VPS13B: variants seen among roughly 807,000 people sequenced by gnomAD.
VPS13B encodes vacuolar protein sorting 13 homolog B.
In VPS13B, 285 loss-of-function variants were observed where a neutral mutation model predicts 426.4. The ratio of observed to expected loss-of-function variants is 0.67; its 90% CI spans 0.61 to 0.74. VPS13B has a LOEUF of 0.74. Among genes scored for constraint, VPS13B ranks in the 30% least tolerant of loss-of-function variants. The pLI is 0.00. For missense variants in VPS13B, 4,537 were observed against 4,782.6 expected (o/e 0.95, Z 1.51); for synonymous variants, 1,676 against 1,676.4 (o/e 1.00, Z 0.01).
chr8:99,718,448 A>C (rs969442314), intron 37 of VPS13B, among the ~76,000 whole-genome samples: 5 of 152,182 alleles, frequency 3.3e-5, no homozygotes, highest in Admixed American at 6.5e-5. Context: ...GCAAGCTCTT[A>C]ATGCATTTGT....
chr8:99,609,084 A>G (rs571470473), intron 33 of VPS13B, among the ~76,000 whole-genome samples: 1 of 152,272 alleles, frequency 6.6e-6, no homozygotes, highest in South Asian at 2.1e-4. Flanking sequence ...AGTTTCTTAA[A>G]GGTTAGTTGC....
intron 2 of VPS13B, among the ~76,000 whole-genome samples, chr8:99,033,863 T>G (rs1370213768): frequency 1.3e-5 from 2 of 152,076 alleles, no homozygotes; most frequent in African/African-American, 4.8e-5. Flanking sequence ...GCCATTGCAC[T>G]CCAGCCTGGG....
chr8:99,121,375 A>C lies in VPS13B; in HGVS notation c.1136A>C (p.Lys379Thr). The C allele has an allele frequency of 1.2e-6, 2 of 1,614,186 alleles. No individual in the cohort carries two copies. The highest frequency in any genetic ancestry group is 1.7e-6 in the Non-Finnish European group (2 of 1,180,018). Reference protein sequence around the residue: ...NDPASTMHQQKAQTLKDPIVS... With the variant: ...NDPASTMHQQTAQTLKDPIVS... ...CCTGCATCAACCATGCATCAACAAA[A>C]AGCACAGACTTTGAAGGATCCTATT... Residue 379 changes from lysine to threonine, a missense_variant, in exon 8 of 62, where the codon AAA (lysine) becomes ACA (threonine). Lys to Thr is a moderately conservative substitution (Grantham distance 78). Around this residue, in one of 2 missense-constraint regions of VPS13B, gnomAD observed 4,311 missense variants for 4,474.3 expected, o/e 0.96. Coordinates refer to ENST00000357162, the MANE Select transcript of VPS13B (RefSeq NM_152564.5).
intron 19 of VPS13B, among the ~76,000 whole-genome samples, chr8:99,338,910 G>A (rs1811079317): frequency 6.6e-6 from 1 of 151,862 alleles, no homozygotes; most frequent in Non-Finnish European, 1.5e-5. Flanking sequence ...TTTATTATGA[G>A]GTATGTCAGA....
chr8:99,714,847 G>A (rs1832848708), intron 36 of VPS13B, among the ~76,000 whole-genome samples: 1 of 152,160 alleles, frequency 6.6e-6, no homozygotes, highest in Admixed American at 6.5e-5. Flanking sequence ...ATATTAAGAA[G>A]CTTTGATGAT....
At chr8:99,055,330 A>G (rs1267023275) in intron 3 of VPS13B, among the ~76,000 whole-genome samples, 1 of 152,068 alleles carries the variant, frequency 6.6e-6, no homozygotes, top group Non-Finnish European at 1.5e-5. Flanking sequence ...GTGAGCCACC[A>G]TGCCTGGCCC....
chr8:99,869,109 A>T (rs369404440), intron 59 of VPS13B, among the ~76,000 whole-genome samples: 10 of 152,322 alleles, frequency 6.6e-5, no homozygotes, highest in African/African-American at 1.4e-4. Flanking sequence ...TCCCAGGCTT[A>T]TTTTCTGTGT....
intron 2 of VPS13B, among the ~76,000 whole-genome samples, chr8:99,037,860 G>A (rs1248420371): frequency 7.1e-6 from 1 of 140,658 alleles, no homozygotes; most frequent in Non-Finnish European, 1.5e-5. Context: ...TTTTTAAGTT[G>A]ATCAGTTTTC....
Position 99,853,665 on chromosome 8 carries a change from G to A in VPS13B, c.10276G>A (p.Asp3426Asn). 6.2e-7 allele frequency: 1 copy of A among 1,614,168 alleles called. No individual in the cohort carries two copies. Among genetic ancestry groups the A allele is most frequent in the Non-Finnish European group, 8.5e-7 (1 of 1,180,034 alleles). ...TTACTGTGTGGAGATCTGCTGTGGGGACCTGCAGCTAGACAACCAGCTTTA... is the reference window on the plus strand; with the variant it reads ...TTACTGTGTGGAGATCTGCTGTGGGAACCTGCAGCTAGACAACCAGCTTTA... ...ELYCVEICCG[D>N]LQLDNQLYNK... The change falls in exon 56 of 62, where the codon GAC (aspartate) becomes AAC (asparagine). Residue 3426 changes from aspartate (D) to asparagine (N), a missense_variant. Physicochemically the swap from Asp to Asn is conservative, Grantham distance 23. Transcript: ENST00000357162.
chr8:99,335,258 A>G (rs1435000155), intron 19 of VPS13B, among the ~76,000 whole-genome samples: 2 of 151,616 alleles, frequency 1.3e-5, no homozygotes, highest in Non-Finnish European at 2.9e-5. Flanking sequence ...TTTCTTCTTT[A>G]TTAGTCTTGC....
At chr8:99,662,664 T>A (rs1348443567) in intron 35 of VPS13B, among the ~76,000 whole-genome samples, 1 of 152,086 alleles carries the variant, frequency 6.6e-6, no homozygotes, top group African/African-American at 2.4e-5. Context: ...CCCAGGCTGG[T>A]CCTGAACTCC....
intron 19 of VPS13B, among the ~76,000 whole-genome samples, chr8:99,380,777 A>G (rs917349925): frequency 2.6e-5 from 4 of 151,658 alleles, no homozygotes; most frequent in African/African-American, 9.7e-5. Context: ...AACATTATAG[A>G]ACAAATGTAC....
chr8:99,626,397 GA>G (rs1478221313), intron 33 of VPS13B, among the ~76,000 whole-genome samples: 5 of 152,196 alleles, frequency 3.3e-5, no homozygotes, highest in Non-Finnish European at 5.9e-5. Context: ...CAAGGCCATA[GA>G]GACAAAAAGT....
chr8:99,410,499 T>C (rs1487690145), intron 21 of VPS13B, among the ~76,000 whole-genome samples: 2 of 152,076 alleles, frequency 1.3e-5, no homozygotes, highest in Non-Finnish European at 2.9e-5. Context: ...CTGCCAATAT[T>C]TGAGTGAATT....
intron 33 of VPS13B, among the ~76,000 whole-genome samples, chr8:99,584,411 G>C (rs1826212295): frequency 6.6e-6 from 1 of 152,142 alleles, no homozygotes. Flanking sequence ...TTCTTTGCCA[G>C]AAATCCAGTA....
At chr8:99,023,891 GT>G (rs1842019408) in intron 2 of VPS13B, among the ~76,000 whole-genome samples, 1 of 152,140 alleles carries the variant, frequency 6.6e-6, no homozygotes, top group Non-Finnish European at 1.5e-5. Context: ...AGATATCTCT[GT>G]CATACTAATT....
chr8:99,433,694 GT>G (rs1817229966), intron 22 of VPS13B, among the ~76,000 whole-genome samples: 1 of 152,058 alleles, frequency 6.6e-6, no homozygotes, highest in South Asian at 2.1e-4. Context: ...AGTATAAATA[GT>G]TGTAAAACAA....
At chr8:99,124,583 A>T (rs919901987) in intron 8 of VPS13B, among the ~76,000 whole-genome samples, 1 of 152,144 alleles carries the variant, frequency 6.6e-6, no homozygotes, top group South Asian at 2.1e-4. Context: ...AATAATATTC[A>T]GCCATAAAAA....
At position 99,853,916 on chromosome 8, in the gene VPS13B, A is replaced by G. The variant is rs113120767; in HGVS notation, c.10527A>G (p.Glu3509=). The G allele has an allele frequency of 1.1e-5, 17 of 1,614,246 alleles. No homozygotes were observed. The African/African-American group carries it at 1.2e-4, about 11-fold the overall frequency. ...TAAAACCTGCTCGGTTATACGTGGA[A>G]GACACATTTGTATACTACATCAAGA... ...FELKPARLYV[E]DTFVYYIKTL... The change falls in exon 56 of 62, where the codon GAA becomes GAG. Residue 3509 remains glutamate (E), a synonymous_variant. Transcript: ENST00000357162.
Sources: gnomAD v4.1 joint callset for allele counts (sites outside exome capture counted in the v4.1 genomes callset) on GRCh38, gnomAD v4.1.1 for gene constraint, gnomAD v4.1.1 regional missense constraint, MANE v1.5 for transcripts, NCBI Gene and HGNC (gene_info 2026-07-23, HGNC 2026-07-21) for gene names.